KCNB2: variants seen among roughly 807,000 people sequenced by gnomAD.
KCNB2 encodes the protein delayed rectifier potassium channel protein.
Under a neutral mutation model 61.5 loss-of-function variants are expected in KCNB2, and 15 were observed. That is an observed-to-expected ratio of 0.24 (90% confidence interval 0.16 to 0.38). KCNB2 has a LOEUF of 0.38. Ranked by LOEUF, KCNB2 falls within the 10% of genes least tolerant of loss-of-function variation. KCNB2 has a pLI of 1.00. For synonymous variants in KCNB2, 457 were observed against 446.0 expected (o/e 1.02, Z -0.31); for missense variants, 828 against 1,125.2 (o/e 0.74, Z 3.78).
At chr8:72,664,085 T>C (rs1396189061) in intron 2 of KCNB2, among the ~76,000 whole-genome samples, 5 of 152,226 alleles carry the variant, frequency 3.3e-5, no homozygotes, top group Non-Finnish European at 7.3e-5. Context: ...GGGAATTCAT[T>C]CTCACTGCAG....
intron 2 of KCNB2, among the ~76,000 whole-genome samples, chr8:72,935,153 GCC>G (rs1806873338): frequency 1.3e-5 from 2 of 152,098 alleles, no homozygotes; most frequent in African/African-American, 4.8e-5. Context: ...AGCTCAGACT[GCC>G]TGACTCTAAA....
chr8:72,616,187 G>C (rs1241230639), intron 2 of KCNB2, among the ~76,000 whole-genome samples: 4 of 152,182 alleles, frequency 2.6e-5, no homozygotes, highest in Non-Finnish European at 4.4e-5. Context: ...ATTAAGTGGA[G>C]GGCCTTTCCA....
Position 72,568,179 on chromosome 8 carries a change from A to C in KCNB2, c.445A>C (p.Asn149His). 6.2e-7 allele frequency: 1 copy of C among 1,614,144 alleles called. No homozygotes were observed. Among genetic ancestry groups the C allele is most frequent in the Non-Finnish European group, 8.5e-7 (1 of 1,180,032 alleles). Residue 149 changes from asparagine to histidine, a missense_variant, in exon 2 of 3, where the codon AAC becomes CAC. By Grantham distance (68) the Asn-to-His change is moderately conservative (BLOSUM62 1). This residue lies in a region of KCNB2 where 163 missense variants were observed against 314.4 expected (regional missense o/e 0.52). Transcript: ENST00000523207. ...ATATCATCAAAAAAAAGAACAAATG[A>C]ACGAAGAACTGAGGCGAGAGGCAGA... ...ARYHQKKEQMNEELRREAETM... is the reference protein window; with the variant it reads ...ARYHQKKEQMHEELRREAETM...
At chr8:72,725,603 A>ATGTG (rs1438518658) in intron 2 of KCNB2, among the ~76,000 whole-genome samples, 1 of 110,974 alleles carries the variant, frequency 9.0e-6, no homozygotes, top group Non-Finnish European at 1.7e-5. Context: ...ATATATATAT[A>ATGTG]TATATATATA....
At chr8:72,851,818 A>G (rs1585931943) in intron 2 of KCNB2, among the ~76,000 whole-genome samples, 1 of 120,642 alleles carries the variant, frequency 8.3e-6, no homozygotes, top group African/African-American at 2.9e-5. Context: ...TTAATGTAGA[A>G]GCTGTAGGAA....
chr8:72,581,470 A>G (rs1806895788), intron 2 of KCNB2, among the ~76,000 whole-genome samples: 2 of 152,228 alleles, frequency 1.3e-5, no homozygotes, highest in Admixed American at 6.5e-5. Context: ...TGACACATAA[A>G]GAACACTGAC....
At chr8:72,757,822 C>T (rs1477414580) in intron 2 of KCNB2, among the ~76,000 whole-genome samples, 1 of 152,098 alleles carries the variant, frequency 6.6e-6, no homozygotes, top group Non-Finnish European at 1.5e-5. Context: ...ACAGAGGAGC[C>T]AAGATGTGAG....
intron 1 of KCNB2, among the ~76,000 whole-genome samples, chr8:72,547,860 G>GGTAGA (rs1554574964): frequency 6.6e-6 from 1 of 152,114 alleles, no homozygotes; most frequent in African/African-American, 2.4e-5. Flanking sequence ...TGCTAGTGTG[G>GGTAGA]GTAAAATGCT....
At chr8:72,785,402 C>A (rs1227653393) in intron 2 of KCNB2, among the ~76,000 whole-genome samples, 2 of 152,140 alleles carry the variant, frequency 1.3e-5, no homozygotes, top group African/African-American at 2.4e-5. Flanking sequence ...CTAGGACTGT[C>A]AAGTTCATCC....
chr8:72,680,990 A>G (rs1806741096), intron 2 of KCNB2, among the ~76,000 whole-genome samples: 1 of 152,208 alleles, frequency 6.6e-6, no homozygotes, highest in Non-Finnish European at 1.5e-5. Flanking sequence ...CTCCTGTGAT[A>G]GCCTCAGACT....
intron 2 of KCNB2, among the ~76,000 whole-genome samples, chr8:72,775,694 G>A (rs1585886458): frequency 6.7e-6 from 1 of 150,092 alleles, no homozygotes; most frequent in Non-Finnish European, 1.5e-5. Flanking sequence ...TTATAAACAG[G>A]GGAGATTAAG....
intron 1 of KCNB2, among the ~76,000 whole-genome samples, chr8:72,558,505 C>T (rs1047956484): frequency 2.0e-5 from 3 of 151,832 alleles, no homozygotes; most frequent in African/African-American, 7.3e-5. Flanking sequence ...GTGGAAAATG[C>T]GGAAAAGAAT....
At chr8:72,590,181 T>G (rs1807072130) in intron 2 of KCNB2, among the ~76,000 whole-genome samples, 2 of 152,192 alleles carry the variant, frequency 1.3e-5, no homozygotes, top group Admixed American at 6.5e-5. Flanking sequence ...ATTTTAACCA[T>G]AAGTAATTTA....
chr8:72,818,524 C>T (rs954679510), intron 2 of KCNB2, among the ~76,000 whole-genome samples: 1 of 152,148 alleles, frequency 6.6e-6, no homozygotes, highest in Non-Finnish European at 1.5e-5. Flanking sequence ...ATTTTAAGAA[C>T]TAAGTAATAT....
At chr8:72,745,699 T>C (rs1183284352) in intron 2 of KCNB2, among the ~76,000 whole-genome samples, 1 of 152,118 alleles carries the variant, frequency 6.6e-6, no homozygotes, top group Non-Finnish European at 1.5e-5. Context: ...GCAAGACTGA[T>C]TGGATAAGAG....
intron 2 of KCNB2, among the ~76,000 whole-genome samples, chr8:72,924,162 C>T (rs1318216494): frequency 6.6e-6 from 1 of 152,170 alleles, no homozygotes; most frequent in Non-Finnish European, 1.5e-5. Flanking sequence ...GGCTGTCAAG[C>T]ACAGGCTGGG....
chr8:72,709,824 C>G (rs1456968810), intron 2 of KCNB2, among the ~76,000 whole-genome samples: 1 of 152,098 alleles, frequency 6.6e-6, no homozygotes, highest in Non-Finnish European at 1.5e-5. Context: ...GCTTTCTTGT[C>G]AAGCATGGCT....
chr8:72,715,746 A>T (rs1463041008), intron 2 of KCNB2, among the ~76,000 whole-genome samples: 1 of 152,232 alleles, frequency 6.6e-6, no homozygotes, highest in African/African-American at 2.4e-5. Flanking sequence ...ATCACAATTA[A>T]AAGAACTAGA....
At chr8:72,691,919 T>TG (rs1806945654) in intron 2 of KCNB2, among the ~76,000 whole-genome samples, 1 of 152,136 alleles carries the variant, frequency 6.6e-6, no homozygotes, top group African/African-American at 2.4e-5. Context: ...ACAGTATGAT[T>TG]ATATCTGCTG....
Sources: gnomAD v4.1 joint callset for allele counts (sites outside exome capture counted in the v4.1 genomes callset) on GRCh38, gnomAD v4.1.1 for gene constraint, gnomAD v4.1.1 regional missense constraint, MANE v1.5 for transcripts, NCBI Gene and HGNC (gene_info 2026-07-23, HGNC 2026-07-21) for gene names.